LRMDA: variants seen among roughly 807,000 people sequenced by gnomAD.
LRMDA encodes leucine rich melanocyte differentiation associated, also known as leucine-rich melanocyte differentiation-associated protein.
A neutral mutation model predicts 29.8 loss-of-function variants in LRMDA; 18 were observed. The observed-to-expected ratio is 0.60, with a 90% CI of 0.42 to 0.90. LRMDA has a LOEUF of 0.90. Ranked by LOEUF, LRMDA falls within the 40% of genes least tolerant of loss-of-function variation. LRMDA has a pLI of 0.00. For synonymous variants in LRMDA, 125 were observed against 109.4 expected, an observed-to-expected ratio of 1.14 and a Z score of -0.89; for missense variants, 273 against 273.9, an observed-to-expected ratio of 1.00 and a Z score of 0.02.
chr10:75,658,295 G>GAAAAA (rs10649469), intron 2 of LRMDA, among the ~76,000 whole-genome samples: 8 of 76,652 alleles, frequency 1.0e-4, no homozygotes, highest in African/African-American at 2.2e-4. Flanking sequence ...CAAAGAAAAT[G>GAAAAA]AAAAAAAAAA....
At chr10:76,298,699 C>G (rs751994619) in intron 5 of LRMDA, among the ~76,000 whole-genome samples, 20 of 152,300 alleles carry the variant, frequency 1.3e-4, no homozygotes, top group African/African-American at 3.8e-4. Context: ...GTTAAAGGAA[C>G]AACATGGGCT....
intron 6 of LRMDA, among the ~76,000 whole-genome samples, chr10:76,521,087 T>C (rs1843114372): frequency 6.6e-6 from 1 of 152,070 alleles, no homozygotes; most frequent in Non-Finnish European, 1.5e-5. Flanking sequence ...TATGTTAGCA[T>C]GGTTTCATGC....
At chr10:76,216,692 T>C (rs1225755233) in intron 5 of LRMDA, among the ~76,000 whole-genome samples, 1 of 152,224 alleles carries the variant, frequency 6.6e-6, no homozygotes, top group Non-Finnish European at 1.5e-5. Context: ...AACCCTGCTA[T>C]GTTGCTGATG....
At chr10:75,941,272 C>T (rs1329593449) in intron 2 of LRMDA, among the ~76,000 whole-genome samples, 1 of 152,098 alleles carries the variant, frequency 6.6e-6, no homozygotes, top group Non-Finnish European at 1.5e-5. Flanking sequence ...AGTCTATTGC[C>T]CGTTGGCCTC....
At chr10:76,058,517 T>C in intron 4 of LRMDA, 149 bp from the exon 5 acceptor site, 1 of 696,296 alleles carries the variant, frequency 1.4e-6, no homozygotes, top group South Asian at 1.7e-5. Context: ...AACAGTTGTT[T>C]ATTCTTTGTG....
chr10:75,498,277 T>C (rs534974566), intron 2 of LRMDA, among the ~76,000 whole-genome samples: 1 of 152,324 alleles, frequency 6.6e-6, no homozygotes. Context: ...CTGCAGCTTT[T>C]TTTTCCCCCT....
At chr10:75,876,980 C>T (rs1255854084) in intron 2 of LRMDA, among the ~76,000 whole-genome samples, 3 of 152,168 alleles carry the variant, frequency 2.0e-5, no homozygotes, top group African/African-American at 7.2e-5. Context: ...AGAGCTGCTG[C>T]TGGCCCACCA....
chr10:76,299,140 G>C (rs1303806517), intron 5 of LRMDA, among the ~76,000 whole-genome samples: 1 of 149,010 alleles, frequency 6.7e-6, no homozygotes, highest in African/African-American at 2.5e-5. Flanking sequence ...AGGAACATCT[G>C]CTGTTAGAGA....
At chr10:76,281,030 G>A (rs567764206) in intron 5 of LRMDA, among the ~76,000 whole-genome samples, 14 of 152,254 alleles carry the variant, frequency 9.2e-5, no homozygotes, top group East Asian at 1.9e-4. Context: ...TTGAGTCCCC[G>A]TTACAACAGC....
chr10:75,885,890 G>C (rs774107744), intron 2 of LRMDA, among the ~76,000 whole-genome samples: 3 of 152,256 alleles, frequency 2.0e-5, no homozygotes, highest in Non-Finnish European at 2.9e-5. Flanking sequence ...TAGGTCTCAA[G>C]TTCCTTGAGC....
At chr10:75,667,250 A>T (rs1223109229) in intron 2 of LRMDA, among the ~76,000 whole-genome samples, 1 of 150,358 alleles carries the variant, frequency 6.7e-6, no homozygotes, top group Non-Finnish European at 1.5e-5. Flanking sequence ...ATAAAATTTT[A>T]TGAACATAGG....
chr10:75,771,079 T>TC (rs1843233912), intron 2 of LRMDA, among the ~76,000 whole-genome samples: 1 of 152,136 alleles, frequency 6.6e-6, no homozygotes, highest in Non-Finnish European at 1.5e-5. Context: ...TAGGGAACTG[T>TC]CCCTGGGGGT....
intron 3 of LRMDA, among the ~76,000 whole-genome samples, chr10:76,038,377 A>G (rs1488243918): frequency 6.6e-6 from 1 of 152,170 alleles, no homozygotes; most frequent in Non-Finnish European, 1.5e-5. Context: ...CACTTTTCCA[A>G]TCTGTAGCAG....
intron 5 of LRMDA, among the ~76,000 whole-genome samples, chr10:76,075,550 G>C (rs963671528): frequency 6.6e-6 from 1 of 152,242 alleles, no homozygotes; most frequent in Non-Finnish European, 1.5e-5. Context: ...GCTCAAATGA[G>C]TGCTCCAAAA....
chr10:76,086,350 A>G (rs1431267404), intron 5 of LRMDA, among the ~76,000 whole-genome samples: 1 of 152,198 alleles, frequency 6.6e-6, no homozygotes, highest in Non-Finnish European at 1.5e-5. Flanking sequence ...TGGGGCTGGT[A>G]AAAAGCAGCT....
chr10:75,799,680 T>TTGTGTGTGTGTGTGTGTGTG (rs57575125), intron 2 of LRMDA, among the ~76,000 whole-genome samples: 1 of 136,126 alleles, frequency 7.3e-6, no homozygotes, highest in Non-Finnish European at 1.6e-5. Context: ...ATTCCTAGCT[T>TTGTGTGTGTGTGTGTGTGTG]TGTGTGTGTG....
intron 2 of LRMDA, among the ~76,000 whole-genome samples, chr10:76,010,036 A>G (rs1461455640): frequency 2.0e-5 from 3 of 152,098 alleles, no homozygotes; most frequent in Non-Finnish European, 4.4e-5. Context: ...GCAGCTCCCC[A>G]AATCAGCATA....
intron 2 of LRMDA, among the ~76,000 whole-genome samples, chr10:75,627,356 C>T (rs1564525785): frequency 1.3e-5 from 2 of 152,184 alleles, no homozygotes; most frequent in African/African-American, 4.8e-5. Context: ...ACTGTCTCCC[C>T]TATAACAGTT....
At chr10:76,173,730 G>A (rs1023914053) in intron 5 of LRMDA, among the ~76,000 whole-genome samples, 6 of 151,966 alleles carry the variant, frequency 3.9e-5, no homozygotes, top group East Asian at 1.9e-4. Context: ...GTGCCATCTC[G>A]GCTCACTACA....
Sources: allele counts gnomAD v4.1 joint callset (sites outside exome capture counted in the v4.1 genomes callset), GRCh38; gene constraint gnomAD v4.1.1; transcripts MANE v1.5; gene names NCBI Gene and HGNC (gene_info 2026-07-23, HGNC 2026-07-21).